Variants in PRUNE2 observed in about 807,000 individuals in gnomAD.
The protein encoded by PRUNE2 is prune homolog 2 with BCH domain.
A neutral mutation model predicts 252.0 loss-of-function variants in PRUNE2; 164 were observed. The ratio of observed to expected loss-of-function variants is 0.65; its 90% CI spans 0.57 to 0.74. The LOEUF (loss-of-function observed/expected upper bound fraction) is 0.74. PRUNE2 is among the 30% of genes least tolerant of loss of function. The pLI, the probability that PRUNE2 is intolerant of heterozygous loss-of-function variation, is 0.00. For synonymous variants in PRUNE2, 1,292 were observed against 1,350.2 expected, an observed-to-expected ratio of 0.96 and a Z score of 0.94; for missense variants, 3,495 against 3,711.0, an observed-to-expected ratio of 0.94 and a Z score of 1.51.
chr9:76,900,279 T>C (rs1272681485), intron 1 of PRUNE2, among the ~76,000 whole-genome samples: 2 of 152,212 alleles, frequency 1.3e-5, no homozygotes, highest in Admixed American at 1.3e-4. Flanking sequence ...GCATCACTTA[T>C]TCCATTTTTC....
At chr9:76,806,467 T>C (rs2056938830) in intron 6 of PRUNE2, among the ~76,000 whole-genome samples, 1 of 152,088 alleles carries the variant, frequency 6.6e-6, no homozygotes, top group African/African-American at 2.4e-5. Context: ...CTTTATTTAA[T>C]TTAACACTTA....
chr9:76,715,173 G>A (rs1408022338), intron 6 of PRUNE2, among the ~76,000 whole-genome samples: 1 of 152,246 alleles, frequency 6.6e-6, no homozygotes, highest in Non-Finnish European at 1.5e-5. Flanking sequence ...ATGCCGTGCA[G>A]AGAGTTGCAG....
chr9:76,847,113 T>C (rs1398363147), intron 3 of PRUNE2, among the ~76,000 whole-genome samples: 2 of 152,052 alleles, frequency 1.3e-5, no homozygotes, highest in Non-Finnish European at 2.9e-5. Context: ...AATCATGAGG[T>C]CAGGAGTTTA....
At chr9:76,679,865 A>C (rs1389707750) in intron 9 of PRUNE2, among the ~76,000 whole-genome samples, 1 of 152,248 alleles carries the variant, frequency 6.6e-6, no homozygotes, top group Non-Finnish European at 1.5e-5. Flanking sequence ...AAATTGCTCA[A>C]AATGGATTAG....
chr9:76,636,952 A>G (rs1840328796), intron 14 of PRUNE2, among the ~76,000 whole-genome samples: 1 of 144,418 alleles, frequency 6.9e-6, no homozygotes, highest in South Asian at 2.3e-4. Flanking sequence ...TGAGACTCCA[A>G]CAACAACGAC....
At chr9:76,638,875 C>A (rs1482888141) in intron 12 of PRUNE2, among the ~76,000 whole-genome samples, 2 of 152,152 alleles carry the variant, frequency 1.3e-5, no homozygotes, top group Non-Finnish European at 2.9e-5. Context: ...GCCTGCAGTG[C>A]CCCTGGGATC....
At chr9:76,723,569 G>T (rs1475652489) in intron 6 of PRUNE2, among the ~76,000 whole-genome samples, 1 of 152,098 alleles carries the variant, frequency 6.6e-6, no homozygotes, top group South Asian at 2.1e-4. Context: ...TCTCACTAAG[G>T]TACAACTATG....
At chr9:76,812,348 A>G (rs897463095) in intron 6 of PRUNE2, among the ~76,000 whole-genome samples, 1 of 152,246 alleles carries the variant, frequency 6.6e-6, no homozygotes, top group Non-Finnish European at 1.5e-5. Flanking sequence ...CTGTTATCTT[A>G]GCTGCAGGGT....
intron 16 of PRUNE2, chr9:76,624,994 A>G (rs1445182452): frequency 2.1e-5 from 27 of 1,290,096 alleles, no homozygotes; most frequent in Non-Finnish European, 2.7e-5. Context: ...CACAGGGTCC[A>G]GCATGAATAG....
At chr9:76,870,423 C>T (rs916142289) in intron 1 of PRUNE2, among the ~76,000 whole-genome samples, 20 of 151,984 alleles carry the variant, frequency 1.3e-4, no homozygotes, top group African/African-American at 3.1e-4. Flanking sequence ...CGGTGGCTCC[C>T]GCCTGTAATC....
chr9:76,734,634 T>A (rs1357880919), intron 6 of PRUNE2, among the ~76,000 whole-genome samples: 3 of 152,184 alleles, frequency 2.0e-5, no homozygotes, highest in African/African-American at 7.2e-5. Context: ...GAGTTCAGAT[T>A]GTCACAGACA....
At chr9:76,894,790 T>C (rs2062718057) in intron 1 of PRUNE2, among the ~76,000 whole-genome samples, 1 of 148,678 alleles carries the variant, frequency 6.7e-6, no homozygotes, top group South Asian at 2.1e-4. Flanking sequence ...GAGGCTGAGG[T>C]GGGTGGATCA....
In PRUNE2 at chr9:76,709,137, G is replaced by GT; in HGVS notation, c.3136dup (p.Thr1046AsnfsTer7). ...TTCATTTTCATCCAGGTTGTGAGTGGTATTTATTTCAGAACTGTTATCTGT... is the reference window on the plus strand; with the variant it reads ...TTCATTTTCATCCAGGTTGTGAGTGGTTATTTATTTCAGAACTGTTATCTGT... On this transcript the variant is annotated frameshift_variant, in exon 8 of 19. Transcript: ENST00000376718. LOFTEE classifies it high-confidence loss of function. The GT allele has an allele frequency of 6.2e-7, 1 of 1,613,928 alleles. No homozygotes were observed. The highest frequency in any genetic ancestry group is 1.1e-5 in the South Asian group (1 of 91,078).
chr9:76,692,239 A>T, intron 9 of PRUNE2: 1 of 701,430 alleles, frequency 1.4e-6, no homozygotes, highest in Non-Finnish European at 2.7e-6. Context: ...CCTGCCTCCC[A>T]GATCTCCCCA....
intron 6 of PRUNE2, chr9:76,817,736 T>A (rs2057780155): frequency 6.6e-6 from 1 of 152,222 alleles, no homozygotes; most frequent in African/African-American, 2.4e-5. Context: ...GACTTGTTTA[T>A]CTGTTCCAGC....
At chr9:76,755,289 C>T (rs772620283) in intron 6 of PRUNE2, among the ~76,000 whole-genome samples, 15 of 151,888 alleles carry the variant, frequency 9.9e-5, no homozygotes, top group East Asian at 3.9e-4. Context: ...GGCTCATTCA[C>T]GGTAGATGGA....
At chr9:76,851,769 G>A (rs1459056252) in intron 2 of PRUNE2, among the ~76,000 whole-genome samples, 13 of 152,102 alleles carry the variant, frequency 8.5e-5, no homozygotes, top group Admixed American at 8.5e-4. Flanking sequence ...TTATTAACAA[G>A]TCTCTTAGAA....
intron 4 of PRUNE2, among the ~76,000 whole-genome samples, chr9:76,837,443 A>ATAATAAT (rs1462326858): frequency 1.1e-3 from 88 of 76,550 alleles, no homozygotes; most frequent in African/African-American, 4.1e-3. Flanking sequence ...TCTGTCTCAA[A>ATAATAAT]TAATAATAAT....
At chr9:76,682,236 A>G (rs2043526748) in intron 9 of PRUNE2, among the ~76,000 whole-genome samples, 1 of 151,848 alleles carries the variant, frequency 6.6e-6, no homozygotes, top group Admixed American at 6.6e-5. Context: ...CTTATTCATT[A>G]TAAAAACATA....
Sources: allele counts gnomAD v4.1 joint callset (sites outside exome capture counted in the v4.1 genomes callset), GRCh38; gene constraint gnomAD v4.1.1; transcripts MANE v1.5; gene names NCBI Gene and HGNC (gene_info 2026-07-23, HGNC 2026-07-21).